CAPRIN1: variants seen among roughly 807,000 people sequenced by gnomAD.
CAPRIN1 encodes cell cycle associated protein 1, also known as caprin-1.
Under a neutral mutation model 100.9 loss-of-function variants are expected in CAPRIN1, and 29 were observed. The ratio of observed to expected loss-of-function variants is 0.29; its 90% CI spans 0.21 to 0.39. The LOEUF is 0.39. Ranked by LOEUF, CAPRIN1 falls within the 10% of genes least tolerant of loss-of-function variation. The pLI, the probability that CAPRIN1 is intolerant of heterozygous loss-of-function variation, is 1.00. For missense variants in CAPRIN1, 795 were observed against 876.7 expected (o/e 0.91, Z 1.18); for synonymous variants, 338 against 307.5 (o/e 1.10, Z -1.04).
At chr11:34,079,904 A>AGTTTTTTGTTTTTTGTTTTT (rs1565091690) in intron 7 of CAPRIN1, 139 bp downstream of exon 7, 1 of 496,410 alleles carries the variant, frequency 2.0e-6, no homozygotes, top group African/African-American at 2.3e-5. Flanking sequence ...AGCATGACAA[A>AGTTTTTTGTTTTTTGTTTTT]GTTTTTTTTT....
intron 14 of CAPRIN1, 69 bp from the exon 15 acceptor site, chr11:34,091,837 T>C (rs1427960677): frequency 7.0e-7 from 1 of 1,419,192 alleles, no homozygotes; most frequent in East Asian, 2.3e-5. Flanking sequence ...AAAACCACCA[T>C]TGAGTTTGGC....
At chr11:34,091,705 C>T (rs1177912191) in intron 14 of CAPRIN1, 3 of 468,464 alleles carry the variant, frequency 6.4e-6, no homozygotes, top group Non-Finnish European at 1.1e-5. Flanking sequence ...TTATACTCCC[C>T]TTTAAGTACT....
chr11:34,092,455 CA>C (rs1336401854), intron 15 of CAPRIN1, among the ~76,000 whole-genome samples: 4 of 151,592 alleles, frequency 2.6e-5, no homozygotes, highest in African/African-American at 9.7e-5. Flanking sequence ...CTCCTGGACA[CA>C]AGCAATCCTC....
At chr11:34,098,986 G>T (rs1473020501) in intron 18 of CAPRIN1, 2 of 1,206,864 alleles carry the variant, frequency 1.7e-6, no homozygotes, top group African/African-American at 1.5e-5. Context: ...CTTCTCTGCT[G>T]TATCTATTCC....
intron 2 of CAPRIN1, among the ~76,000 whole-genome samples, chr11:34,061,741 C>T (rs910928677): frequency 4.6e-5 from 7 of 151,742 alleles, no homozygotes; most frequent in African/African-American, 1.5e-4. Context: ...GAGGCTGAGG[C>T]GGGCAGATCA....
At chr11:34,088,385 G>A (rs539921297) in intron 11 of CAPRIN1, among the ~76,000 whole-genome samples, 1 of 152,284 alleles carries the variant, frequency 6.6e-6, no homozygotes, top group Admixed American at 6.5e-5. Flanking sequence ...ATTGAGCCGG[G>A]TATGGTAGCT....
intron 15 of CAPRIN1, 170 bp from the exon 16 acceptor site, chr11:34,096,309 A>G: frequency 1.9e-6 from 1 of 534,778 alleles, no homozygotes; most frequent in South Asian, 2.7e-5. Context: ...TAAGGGTAGG[A>G]GAAAGGTAAG....
At chr11:34,063,571 C>CT (rs1850625827) in intron 2 of CAPRIN1, among the ~76,000 whole-genome samples, 3 of 152,192 alleles carry the variant, frequency 2.0e-5, no homozygotes, top group Admixed American at 6.5e-5. Context: ...CCACATGACT[C>CT]TGACATCTAC....
intron 14 of CAPRIN1, among the ~76,000 whole-genome samples, chr11:34,091,108 A>G (rs1341744949): frequency 1.3e-5 from 2 of 152,230 alleles, no homozygotes; most frequent in East Asian, 3.8e-4. Context: ...AATTTCTAGA[A>G]AATAATAATA....
chr11:34,053,121 G>A (rs575080158), intron 2 of CAPRIN1: 29 of 997,772 alleles, frequency 2.9e-5, no homozygotes, highest in Non-Finnish European at 3.3e-5. Context: ...CGGTTACCAT[G>A]CACTCGAGAC....
intron 2 of CAPRIN1, among the ~76,000 whole-genome samples, chr11:34,054,538 C>T (rs1850407969): frequency 6.6e-6 from 1 of 152,054 alleles, no homozygotes; most frequent in Non-Finnish European, 1.5e-5. Context: ...AGCGATTCTC[C>T]TCCCTCAGCC....
At chr11:34,090,431 A>C (rs2134130852) in intron 13 of CAPRIN1, 98 bp from the exon 14 acceptor site, 1 of 1,401,062 alleles carries the variant, frequency 7.1e-7, no homozygotes, top group Non-Finnish European at 1.0e-6. Flanking sequence ...TAATACATAT[A>C]AGTTTGAGAT....
intron 2 of CAPRIN1, among the ~76,000 whole-genome samples, chr11:34,060,054 G>A (rs1850542672): frequency 6.6e-6 from 1 of 151,054 alleles, no homozygotes; most frequent in Non-Finnish European, 1.5e-5. Context: ...AAATTAGCTG[G>A]GCATGGTGGC....
intron 9 of CAPRIN1, among the ~76,000 whole-genome samples, chr11:34,085,799 G>A (rs1037769799): frequency 8.6e-5 from 13 of 151,898 alleles, no homozygotes; most frequent in African/African-American, 1.9e-4. Flanking sequence ...GCTAGATTCC[G>A]TCTCGAAAGA....
intron 11 of CAPRIN1, among the ~76,000 whole-genome samples, chr11:34,087,590 C>A (rs1851173793): frequency 8.2e-6 from 1 of 122,696 alleles, no homozygotes; most frequent in Admixed American, 7.6e-5. Flanking sequence ...GCCTCGGCCT[C>A]CCAAAGTGCT....
At chr11:34,075,776 A>C (rs1197578237) in intron 4 of CAPRIN1, among the ~76,000 whole-genome samples, 1 of 152,166 alleles carries the variant, frequency 6.6e-6, no homozygotes, top group Non-Finnish European at 1.5e-5. Flanking sequence ...TTTCTGTATA[A>C]TTTCTAAATT....
chr11:34,076,958 C>T (rs1850920688), intron 6 of CAPRIN1, among the ~76,000 whole-genome samples: 1 of 152,130 alleles, frequency 6.6e-6, no homozygotes, highest in African/African-American at 2.4e-5. Flanking sequence ...TGGTCTCGAA[C>T]TCCTTACCAC....
intron 2 of CAPRIN1, chr11:34,053,230 T>G: frequency 1.2e-6 from 1 of 859,896 alleles, no homozygotes. Flanking sequence ...GGGTCTTCGA[T>G]TTGCTACCCC....
chr11:34,098,565 T>A (rs1851405304), intron 18 of CAPRIN1: 1 of 985,208 alleles, frequency 1.0e-6, no homozygotes, highest in Non-Finnish European at 1.2e-6. Context: ...TAAGGAGGAA[T>A]TACAACGTAC....
Sources: allele counts gnomAD v4.1 joint callset (sites outside exome capture counted in the v4.1 genomes callset), GRCh38; gene constraint gnomAD v4.1.1; transcripts MANE v1.5; gene names NCBI Gene and HGNC (gene_info 2026-07-23, HGNC 2026-07-21).